The following PDCD6IP variants were observed in gnomAD, a reference collection of about 807,000 sequenced individuals.
PDCD6IP encodes programmed cell death 6 interacting protein, also known as programmed cell death 6-interacting protein.
PDCD6IP carries 43 observed loss-of-function variants against 103.7 expected under a neutral mutation model. The ratio of observed to expected loss-of-function variants is 0.41; its 90% CI spans 0.32 to 0.53. PDCD6IP has a LOEUF of 0.53. Among genes scored for constraint, PDCD6IP ranks in the 20% least tolerant of loss-of-function variants. PDCD6IP has a pLI of 0.16. For missense variants in PDCD6IP, 871 were observed against 1,036.7 expected, an observed-to-expected ratio of 0.84 and a Z score of 2.20; for synonymous variants, 354 against 378.7, an observed-to-expected ratio of 0.93 and a Z score of 0.76.
At chr3:33,855,311 A>C in intron 15 of PDCD6IP, 51 bp downstream of exon 15, 1 of 1,145,160 alleles carries the variant, frequency 8.7e-7, no homozygotes, top group Non-Finnish European at 1.3e-6. Flanking sequence ...TCTTTTAAAA[A>C]ATCATGTAGA....
chr3:33,835,258 A>T (rs1225067452), intron 7 of PDCD6IP: 5 of 456,492 alleles, frequency 1.1e-5, no homozygotes. Flanking sequence ...TTTCAGATCC[A>T]CCCTTTCACT....
chr3:33,798,942 G>GC lies in PDCD6IP; in HGVS notation c.209+6dup. On this transcript the variant is annotated splice_donor_region_variant and intron_variant, in intron 1 of 17. Transcript: ENST00000307296. Reference sequence around the variant, plus strand: ...CGCGCTCGAGACGCTCCTGAGGTGGGCGCGGGGCTGGGAGTGGGTAGGTTG... The same window carrying GC: ...CGCGCTCGAGACGCTCCTGAGGTGGGCCGCGGGGCTGGGAGTGGGTAGGTTG... The GC allele has an allele frequency of 6.6e-7, 1 of 1,524,148 alleles. No individual in the cohort carries two copies. The highest frequency in any genetic ancestry group is 8.9e-7 in the Non-Finnish European group (1 of 1,128,070). 94.4% of individuals were successfully genotyped at this position (1,524,148 alleles called of 1,614,324 possible).
In PDCD6IP at chr3:33,826,495, C is replaced by T. The variant is rs766930269; in HGVS notation, c.632C>T (p.Ala211Val). ...TGTATTCCAGATAAAATGAAAGATGCCATCATAGCTAAATTGGCTAATCAG... is the reference window on the plus strand; with the variant it reads ...TGTATTCCAGATAAAATGAAAGATGTCATCATAGCTAAATTGGCTAATCAG... ...LKATRDKMKD[A>V]IIAKLANQAA... Residue 211 changes from alanine to valine, a missense_variant, in exon 6 of 18, where the codon GCC becomes GTC. Physicochemically the swap from Ala to Val is moderately conservative, Grantham distance 64. Around this residue, in one of 5 missense-constraint regions of PDCD6IP, gnomAD observed 242 missense variants for 250.7 expected, o/e 0.97. Coordinates refer to ENST00000307296, the MANE Select transcript of PDCD6IP (RefSeq NM_013374.6). 6.2e-7 allele frequency: 1 copy of T among 1,604,846 alleles called. No individual in the cohort carries two copies. Among genetic ancestry groups the T allele is most frequent in the Non-Finnish European group, 8.5e-7 (1 of 1,174,964 alleles).
At chr3:33,827,628 T>C (rs1022636451) in intron 6 of PDCD6IP, 18 of 152,118 alleles carry the variant, frequency 1.2e-4, no homozygotes, top group Admixed American at 6.5e-5. Flanking sequence ...AAAGACCTCA[T>C]GTTCAGCTGC....
At chr3:33,856,638 TA>T (rs149043058) in intron 15 of PDCD6IP, among the ~76,000 whole-genome samples, 2,041 of 152,172 alleles carry the variant, frequency 0.013, 46 homozygotes, top group African/African-American at 0.046. Context: ...TATCATATGG[TA>T]GGGGAAAATG....
chr3:33,831,259 A>G (rs886236620), intron 7 of PDCD6IP, among the ~76,000 whole-genome samples: 12 of 151,564 alleles, frequency 7.9e-5, no homozygotes, highest in Non-Finnish European at 1.6e-4. Context: ...ACACAGATAT[A>G]AAAACATGAC....
intron 3 of PDCD6IP, among the ~76,000 whole-genome samples, chr3:33,814,957 ATAAG>A (rs2125548715): frequency 6.8e-6 from 1 of 147,344 alleles, no homozygotes; most frequent in Non-Finnish European, 1.5e-5. Context: ...TGCATTATAT[ATAAG>A]TATGTATAAT....
intron 6 of PDCD6IP, chr3:33,827,246 A>C (rs953930901): frequency 1.2e-5 from 11 of 951,564 alleles, no homozygotes; most frequent in Non-Finnish European, 1.3e-5. Flanking sequence ...ATGATTAATA[A>C]AGAAAACTTA....
intron 12 of PDCD6IP, among the ~76,000 whole-genome samples, chr3:33,851,906 C>CT (rs910180575): frequency 3.3e-5 from 5 of 152,212 alleles, no homozygotes; most frequent in African/African-American, 1.2e-4. Flanking sequence ...ATAGCTGTCT[C>CT]TATTTCTGTC....
chr3:33,798,656 G>A lies in PDCD6IP; in HGVS notation c.-73G>A. ...GTCAGTCCGCCAGTCCGCCAGCCCAGTACCTCTCTCTCCTCGGCCCTCGTA... is the reference window on the plus strand; with the variant it reads ...GTCAGTCCGCCAGTCCGCCAGCCCAATACCTCTCTCTCCTCGGCCCTCGTA... On this transcript the variant is annotated 5_prime_UTR_variant, in exon 1 of 18. Transcript: ENST00000307296. 4 of 1,367,346 alleles carry A rather than the reference G, an allele frequency of 2.9e-6. No homozygotes were observed. The South Asian group carries it at 5.7e-5, about 20-fold the overall frequency. The allele number at this position is 1,367,346 out of a possible 1,614,324, so 84.7% of individuals were successfully genotyped here.
intron 14 of PDCD6IP, 73 bp from the exon 15 acceptor site, chr3:33,855,093 G>A: frequency 1.1e-6 from 1 of 870,616 alleles, no homozygotes; most frequent in Non-Finnish European, 1.9e-6. Flanking sequence ...TGACAAATTA[G>A]CTTTAGATCA....
chr3:33,812,069 T>C lies in PDCD6IP; in HGVS notation c.210-3T>C. ...TAATTATTAATTCTGCTCTATTTTT[T>C]AGATATTATGATCAGATTTGTTCTA... On this transcript the variant is annotated splice_region_variant and splice_polypyrimidine_tract_variant and intron_variant, in intron 1 of 17. Transcript: ENST00000307296. 2 of 1,591,678 alleles carry C rather than the reference T, an allele frequency of 1.3e-6. No homozygotes were observed. The highest frequency in any genetic ancestry group is 1.7e-6 in the Non-Finnish European group (2 of 1,170,732).
In PDCD6IP at chr3:33,799,290, C is replaced by T. The variant is rs140813567; in HGVS notation, c.209+353C>T. On this transcript the variant is annotated intron_variant, in intron 1 of 17. Coordinates refer to ENST00000307296, the MANE Select transcript of PDCD6IP (RefSeq NM_013374.6). ...TCTCTAACTGAAGCTTCCCCTTTCG[C>T]CCCATTTTTCCATCACTGTCTTTCT... 4.5e-3 allele frequency: 1,037 copies of T among 231,248 alleles called. 1 individual carries two copies. The highest frequency in any genetic ancestry group is 8.2e-3 in the Admixed American group (146 of 17,822). The allele number at this position is 231,248 out of a possible 1,614,324, so 14.3% of individuals were successfully genotyped here.
Position 33,845,491 on chromosome 3 carries a change from C to G in PDCD6IP, c.1544C>G (p.Ser515Cys), listed in dbSNP as rs1321200048. The change falls in exon 12 of 18, where the codon TCT becomes TGT. Residue 515 changes from serine to cysteine, a missense_variant. Coordinates refer to ENST00000307296, the MANE Select transcript of PDCD6IP (RefSeq NM_013374.6). ...GGACAAGTGAAAGAATGTTACCAGT[C>G]TCATCGTGACACCATCGTGCTTTTG... ...ADGQVKECYQ[S>C]HRDTIVLLCK... is the part of the protein sequence containing the mutation. The G allele has an allele frequency of 3.1e-6, 5 of 1,613,702 alleles. No homozygotes were observed. The highest frequency in any genetic ancestry group is 4.2e-6 in the Non-Finnish European group (5 of 1,179,594).
intron 1 of PDCD6IP, among the ~76,000 whole-genome samples, chr3:33,806,415 C>T (rs1468940491): frequency 6.6e-6 from 1 of 152,172 alleles, no homozygotes; most frequent in Non-Finnish European, 1.5e-5. Context: ...GGGATTCAAA[C>T]TCAGGGCTAT....
At chr3:33,802,705 G>T (rs1696504187) in intron 1 of PDCD6IP, among the ~76,000 whole-genome samples, 1 of 152,118 alleles carries the variant, frequency 6.6e-6, no homozygotes, top group Non-Finnish European at 1.5e-5. Flanking sequence ...GGTCAGGCTG[G>T]TCTGGAACTC....
intron 1 of PDCD6IP, among the ~76,000 whole-genome samples, chr3:33,801,959 C>T (rs1296135133): frequency 6.6e-6 from 1 of 152,138 alleles, no homozygotes. Context: ...CTATCAGGTA[C>T]ATCTATTTTT....
At chr3:33,829,481 G>T (rs1442331954) in intron 7 of PDCD6IP, among the ~76,000 whole-genome samples, 2 of 149,136 alleles carry the variant, frequency 1.3e-5, no homozygotes, top group African/African-American at 4.9e-5. Context: ...AGAGATGTGT[G>T]TGCATATATA....
At chr3:33,855,057 C>T (rs2125447058) in intron 14 of PDCD6IP, 109 bp from the exon 15 acceptor site, 1 of 649,134 alleles carries the variant, frequency 1.5e-6, no homozygotes, top group Middle Eastern at 2.8e-4. Flanking sequence ...TCATGCAGAT[C>T]TCAGTTCTTC....
Sources: gnomAD v4.1 joint callset for allele counts (sites outside exome capture counted in the v4.1 genomes callset) on GRCh38, gnomAD v4.1.1 for gene constraint, gnomAD v4.1.1 regional missense constraint, MANE v1.5 for transcripts, NCBI Gene and HGNC (gene_info 2026-07-23, HGNC 2026-07-21) for gene names.